The following ADGRL4 variants were observed in gnomAD, a reference collection of about 807,000 sequenced individuals.
ADGRL4 encodes EGF, latrophilin and seven transmembrane domain containing 1.
In ADGRL4, 90 loss-of-function variants were observed where a neutral mutation model predicts 74.8. That is an observed-to-expected ratio of 1.20 (90% CI 1.02 to 1.43). The LOEUF (loss-of-function observed/expected upper bound fraction) is 1.43. Ranked by LOEUF, ADGRL4 falls within the 40% of genes most tolerant of loss-of-function variation. The pLI, the probability that ADGRL4 is intolerant of heterozygous loss-of-function variation, is 0.00. For missense variants in ADGRL4, 881 were observed against 814.3 expected, an observed-to-expected ratio of 1.08 and a Z score of -1.00; for synonymous variants, 311 against 279.2, an observed-to-expected ratio of 1.11 and a Z score of -1.14.
At chr1:78,925,171 G>A (rs962068957) in intron 8 of ADGRL4, among the ~76,000 whole-genome samples, 5 of 152,028 alleles carry the variant, frequency 3.3e-5, no homozygotes, top group African/African-American at 1.2e-4. Context: ...GAGTATCATA[G>A]CTTCTGAGAG....
intron 2 of ADGRL4, among the ~76,000 whole-genome samples, chr1:78,967,804 T>A (rs1650086231): frequency 1.3e-5 from 2 of 151,578 alleles, no homozygotes; most frequent in South Asian, 4.2e-4. Context: ...TTTGCTACTT[T>A]AAAATTTTCG....
intron 2 of ADGRL4, among the ~76,000 whole-genome samples, chr1:78,947,002 C>T (rs1408900357): frequency 6.6e-6 from 1 of 152,026 alleles, no homozygotes; most frequent in Admixed American, 6.6e-5. Context: ...ATAGTCTTTA[C>T]CTTTATACTC....
chr1:79,005,184 G>T lies in ADGRL4; in HGVS notation c.58C>A (p.Gln20Lys). The T allele has an allele frequency of 6.2e-7, 1 of 1,613,362 alleles. No homozygotes were observed. The highest frequency in any genetic ancestry group is 1.1e-5 in the South Asian group (1 of 91,014). ...FSTLLNCSYT[Q>K]NCTKTPCLPN... ...AGACAAGGTGTCTTGGTGCAATTTTGAGTATAGGAACAATTCAACAAAGTG... is the reference window on the plus strand; with the variant it reads ...AGACAAGGTGTCTTGGTGCAATTTTTAGTATAGGAACAATTCAACAAAGTG... Residue 20 changes from glutamine to lysine, a missense_variant, in exon 2 of 15, where the codon CAA becomes AAA. Physicochemically the swap from Gln to Lys is moderately conservative, Grantham distance 53. Coordinates refer to ENST00000370742, the MANE Select transcript of ADGRL4 (RefSeq NM_022159.4).
At chr1:78,916,633 A>G (rs2100667811) in intron 12 of ADGRL4, among the ~76,000 whole-genome samples, 1 of 152,064 alleles carries the variant, frequency 6.6e-6, no homozygotes, top group African/African-American at 2.4e-5. Context: ...ATTGCAAAAT[A>G]AAGCTTGATG....
At chr1:78,990,977 A>T (rs11162586) in intron 2 of ADGRL4, among the ~76,000 whole-genome samples, 1 of 151,714 alleles carries the variant, frequency 6.6e-6, no homozygotes, top group African/African-American at 2.4e-5. Context: ...AAAACTATCA[A>T]GCAAGTGTTA....
intron 8 of ADGRL4, among the ~76,000 whole-genome samples, chr1:78,924,744 C>T (rs545323832): frequency 6.6e-6 from 1 of 152,134 alleles, no homozygotes; most frequent in East Asian, 1.9e-4. Context: ...GATTGAGCTC[C>T]ATGATTCAGT....
intron 2 of ADGRL4, among the ~76,000 whole-genome samples, chr1:78,975,717 G>A (rs1650264357): frequency 6.6e-6 from 1 of 151,692 alleles, no homozygotes; most frequent in African/African-American, 2.4e-5. Flanking sequence ...TTTGCGCTGG[G>A]CAAGGTATTA....
intron 2 of ADGRL4, among the ~76,000 whole-genome samples, chr1:78,992,055 T>C (rs150277356): frequency 6.6e-6 from 1 of 152,094 alleles, no homozygotes; most frequent in Non-Finnish European, 1.5e-5. Flanking sequence ...AGTCAGTCAC[T>C]GGGTTTTCTC....
At chr1:78,968,746 T>G (rs1325059242) in intron 2 of ADGRL4, among the ~76,000 whole-genome samples, 1 of 152,154 alleles carries the variant, frequency 6.6e-6, no homozygotes, top group African/African-American at 2.4e-5. Flanking sequence ...TGGGTCAGGG[T>G]CTGCAGGATG....
At chr1:78,894,209 T>C (rs1367872351) in intron 12 of ADGRL4, among the ~76,000 whole-genome samples, 1 of 151,890 alleles carries the variant, frequency 6.6e-6, no homozygotes, top group Non-Finnish European at 1.5e-5. Context: ...TTCTAATGAG[T>C]TTTATGTAGC....
At chr1:78,967,759 T>C (rs1650085040) in intron 2 of ADGRL4, among the ~76,000 whole-genome samples, 1 of 152,170 alleles carries the variant, frequency 6.6e-6, no homozygotes, top group Non-Finnish European at 1.5e-5. Flanking sequence ...ATTAATCTGC[T>C]CTTTGGCAAA....
At chr1:78,948,615 T>C (rs1038098960) in intron 2 of ADGRL4, among the ~76,000 whole-genome samples, 6 of 152,104 alleles carry the variant, frequency 3.9e-5, no homozygotes, top group African/African-American at 1.4e-4. Context: ...TTTATTAACA[T>C]GCATTTAATT....
chr1:78,994,533 A>AT (rs1486746292), intron 2 of ADGRL4, among the ~76,000 whole-genome samples: 1 of 152,234 alleles, frequency 6.6e-6, no homozygotes, highest in Admixed American at 6.5e-5. Context: ...CATTGCTGGG[A>AT]TTTCCCAGTC....
At chr1:79,005,824 T>C (rs1052144933) in intron 1 of ADGRL4, among the ~76,000 whole-genome samples, 13 of 152,254 alleles carry the variant, frequency 8.5e-5, no homozygotes, top group Admixed American at 8.5e-4. Flanking sequence ...ACTGTTTTTA[T>C]TTTCCATTAG....
rs1648229543 is a variant in ADGRL4 at position 78,889,885 on chromosome 1, A to C, written c.*1269T>G. The C allele has an allele frequency of 6.7e-6, 3 of 447,236 alleles. No individual in the cohort carries two copies. Among genetic ancestry groups the C allele is most frequent in the Non-Finnish European group, 1.4e-5 (3 of 217,216 alleles). The allele number at this position is 447,236 out of a possible 1,614,324, so 27.7% of individuals were successfully genotyped here. The stretch of plus-strand genomic sequence containing the variant: ...GGCACACTTTTACAGGTCGGCAAAG[A>C]AAAATTACCTATTTTTGAGATCAAA... On this transcript the variant is annotated 3_prime_UTR_variant, in exon 15 of 15. Transcript: ENST00000370742.
chr1:78,944,904 C>T (rs1296526566), intron 3 of ADGRL4, among the ~76,000 whole-genome samples: 1 of 152,090 alleles, frequency 6.6e-6, no homozygotes, highest in Non-Finnish European at 1.5e-5. Flanking sequence ...TGTGTCATAG[C>T]TTACCATCCC....
At chr1:78,912,338 T>A (rs1468729254) in intron 12 of ADGRL4, among the ~76,000 whole-genome samples, 1 of 151,706 alleles carries the variant, frequency 6.6e-6, no homozygotes, top group East Asian at 1.9e-4. Flanking sequence ...CCATGATGAG[T>A]TGGAAGGTCA....
intron 2 of ADGRL4, among the ~76,000 whole-genome samples, chr1:78,983,369 G>A (rs1010659306): frequency 2.1e-4 from 32 of 151,540 alleles, no homozygotes; most frequent in African/African-American, 7.5e-4. Context: ...GATAAGCAAT[G>A]GAGTTTAATA....
intron 12 of ADGRL4, among the ~76,000 whole-genome samples, chr1:78,907,361 A>G (rs1385097586): frequency 6.6e-6 from 1 of 151,974 alleles, no homozygotes; most frequent in Non-Finnish European, 1.5e-5. Context: ...GTAACTTTTC[A>G]TGGCGCATCA....
Sources: gnomAD v4.1 joint callset for allele counts (sites outside exome capture counted in the v4.1 genomes callset) on GRCh38, gnomAD v4.1.1 for gene constraint, MANE v1.5 for transcripts, NCBI Gene and HGNC (gene_info 2026-07-23, HGNC 2026-07-21) for gene names.